Variants in SYNE1 observed in about 807,000 individuals in gnomAD.
SYNE1 encodes the protein nesprin-1.
SYNE1 carries 616 observed loss-of-function variants against 1,111.0 expected under a neutral mutation model. The observed-to-expected ratio is 0.55, with a 90% CI of 0.52 to 0.59. SYNE1 has a LOEUF of 0.59. Ranked by LOEUF, SYNE1 falls within the 20% of genes least tolerant of loss-of-function variation. The pLI is 0.00. For missense variants in SYNE1, 10,006 were observed against 10,417.0 expected (o/e 0.96, Z 1.72); for synonymous variants, 3,855 against 3,825.8 (o/e 1.01, Z -0.28).
At chr6:152,212,574 G>A (rs989827151) in intron 123 of SYNE1, among the ~76,000 whole-genome samples, 1 of 152,102 alleles carries the variant, frequency 6.6e-6, no homozygotes, top group African/African-American at 2.4e-5. Context: ...TATGACTAAT[G>A]CTCCTATAAA....
rs774225903 is a variant in SYNE1, at chr6:152,381,321, G to A, written c.8694C>T (p.Ser2898=). Residue 2898 remains serine, a synonymous_variant, in exon 56 of 146, where the codon AGC becomes AGT. Coordinates refer to ENST00000367255, the MANE Select transcript of SYNE1 (RefSeq NM_182961.4). ...CTTCGGGAGCCAGCGACTCCACTCT[G>A]CTGAGACGGCTTGCACCAATCTCTC... ...DSREIGASRL[S]RVESLAPEVK... 73 of 1,613,904 alleles carry A rather than the reference G, an allele frequency of 4.5e-5. 1 individual carries two copies. The South Asian group carries it at 6.7e-4, about 15-fold the overall frequency.
At chr6:152,273,957 G>A (rs901676087) in intron 98 of SYNE1, among the ~76,000 whole-genome samples, 1 of 152,166 alleles carries the variant, frequency 6.6e-6, no homozygotes, top group South Asian at 2.1e-4. Flanking sequence ...GTAGGGTGGG[G>A]CAAGGGAGTA....
chr6:152,304,894 T>C (rs1238129920), intron 91 of SYNE1, among the ~76,000 whole-genome samples: 1 of 152,238 alleles, frequency 6.6e-6, no homozygotes. Flanking sequence ...TTAGCCCATG[T>C]GACTCCAATG....
intron 78 of SYNE1, 21 bp downstream of exon 78, chr6:152,329,709 G>A: frequency 6.2e-7 from 1 of 1,614,168 alleles, no homozygotes; most frequent in Non-Finnish European, 8.5e-7. Context: ...AAAAAGAGAA[G>A]TGAAGTCCTA....
At chr6:152,308,350 A>T in intron 91 of SYNE1, 139 bp downstream of exon 91, 1 of 1,198,272 alleles carries the variant, frequency 8.3e-7, no homozygotes, top group Non-Finnish European at 1.2e-6. Flanking sequence ...ATGCTTAGAT[A>T]GCCAAAGAGG....
chr6:152,571,570 T>TA (rs1339321737), intron 3 of SYNE1, among the ~76,000 whole-genome samples: 1 of 151,522 alleles, frequency 6.6e-6, no homozygotes, highest in Non-Finnish European at 1.5e-5. Context: ...CTTTTTACCC[T>TA]AAAAAAAAGG....
intron 90 of SYNE1, among the ~76,000 whole-genome samples, chr6:152,308,853 T>C (rs769579904): frequency 6.6e-5 from 10 of 152,220 alleles, no homozygotes; most frequent in Non-Finnish European, 1.5e-4. Flanking sequence ...TCAAAATAGT[T>C]AAGTGGTTAG....
chr6:152,582,837 T>C (rs1437328388), intron 3 of SYNE1, among the ~76,000 whole-genome samples: 1 of 152,158 alleles, frequency 6.6e-6, no homozygotes. Context: ...ACATATATTG[T>C]GGCCTTTTCA....
In SYNE1 at chr6:152,358,479, A is replaced by G. The variant is rs1389585760; in HGVS notation, c.10502T>C (p.Leu3501Pro). Reference sequence around the variant, plus strand: ...CCCCAACCAAACTTCAAATGCCTTTAGGTCTCTCTGATACTCTTGGTGCAG... The same window carrying G: ...CCCCAACCAAACTTCAAATGCCTTTGGGTCTCTCTGATACTCTTGGTGCAG... ...VRLHQEYQRD[L>P]KAFEVWLGQE... The change falls in exon 66 of 146, where the codon CTA becomes CCA. Residue 3501 changes from leucine (L) to proline (P), a missense_variant. Transcript: ENST00000367255. 2 of 1,614,170 alleles carry G rather than the reference A, an allele frequency of 1.2e-6. No individual in the cohort carries two copies. Among genetic ancestry groups the G allele is most frequent in the Admixed American group, 1.7e-5 (1 of 60,026 alleles).
At position 152,206,265 on chromosome 6, in the gene SYNE1, G is replaced by T; in HGVS notation, c.22922C>A (p.Ala7641Asp). The T allele has an allele frequency of 6.2e-7, 1 of 1,613,892 alleles. No individual in the cohort carries two copies. Residue 7641 changes from alanine (A) to aspartate (D), a missense_variant, in exon 126 of 146, where the codon GCC (alanine) becomes GAC (aspartate). This residue lies in a region of SYNE1 where 2,182 missense variants were observed against 2,287.8 expected (regional missense o/e 0.95). Coordinates refer to ENST00000367255, the MANE Select transcript of SYNE1 (RefSeq NM_182961.4). ...LLLSADSGAE[A>D]ALQAELAEIQ... ...TTCAGCGAGTTCGGCCTGCAAGGCG[G>T]CCTCAGCGCCACTGTCCGCCGAGAG...
intron 3 of SYNE1, among the ~76,000 whole-genome samples, chr6:152,581,088 A>C (rs1478668732): frequency 6.6e-6 from 1 of 152,254 alleles, no homozygotes; most frequent in Non-Finnish European, 1.5e-5. Context: ...TGAACAATAC[A>C]TCTTCCAGAG....
chr6:152,433,918 G>A lies in SYNE1; in HGVS notation c.4338C>T (p.Thr1446=), dbSNP rs1057027248. The change falls in exon 34 of 146, where the codon ACC becomes ACT. Residue 1446 remains threonine (T), a synonymous_variant. Coordinates refer to ENST00000367255, the MANE Select transcript of SYNE1 (RefSeq NM_182961.4). Reference sequence around the variant, plus strand: ...AATTACTGCCAAAATGATCCCACTTGGTTTTCACCATTTCCATGGTTTTAA... The same window carrying A: ...AATTACTGCCAAAATGATCCCACTTAGTTTTCACCATTTCCATGGTTTTAA... ...EDIKTMEMVK[T]KWDHFGSNFE... 3.7e-6 allele frequency: 6 copies of A among 1,613,432 alleles called. No homozygotes were observed. In the East Asian group the frequency reaches 1.3e-4, roughly 36 times the overall value.
At chr6:152,143,945 A>C in intron 137 of SYNE1, 180 bp from the exon 138 acceptor site, 1 of 847,120 alleles carries the variant, frequency 1.2e-6, no homozygotes, top group Non-Finnish European at 1.9e-6. Context: ...AAAATGGCCA[A>C]ACCAATGAAG....
chr6:152,352,378 A>G, intron 69 of SYNE1, 25 bp from the exon 70 acceptor site: 1 of 1,608,904 alleles, frequency 6.2e-7, no homozygotes, highest in South Asian at 1.1e-5. Flanking sequence ...GAGTAGGAGC[A>G]AAGGTAGTCT....
chr6:152,391,557 T>C lies in SYNE1; in HGVS notation c.7724A>G (p.Asp2575Gly), dbSNP rs1382595953. 7.1e-7 allele frequency: 1 copy of C among 1,413,114 alleles called. No homozygotes were observed. The highest frequency in any genetic ancestry group is 9.6e-7 in the Non-Finnish European group (1 of 1,042,786). The allele number at this position is 1,413,114 out of a possible 1,614,324, so 87.5% of individuals were successfully genotyped here. A position where few individuals can be genotyped will look rare whatever the true frequency, so the allele number is the denominator to read the frequency against. The change falls in exon 52 of 146, where the codon GAT becomes GGT. Residue 2575 changes from aspartate to glycine, a missense_variant. By Grantham distance (94) the Asp-to-Gly change is moderately conservative. Coordinates refer to ENST00000367255, the MANE Select transcript of SYNE1 (RefSeq NM_182961.4). ...GELLAARESL[D>G]KLSQRGQLLS... is the part of the protein sequence containing the mutation. ...AAGCTGCCCTCTCTGGGAAAGCTTATCAAGAGACTCTCTGAAAAAAAGGAA... is the reference window on the plus strand; with the variant it reads ...AAGCTGCCCTCTCTGGGAAAGCTTACCAAGAGACTCTCTGAAAAAAAGGAA...
At chr6:152,394,867 C>A (rs1252960485) in intron 51 of SYNE1, among the ~76,000 whole-genome samples, 10 of 138,448 alleles carry the variant, frequency 7.2e-5, no homozygotes, top group Admixed American at 2.1e-4. Context: ...CTCACTGCAA[C>A]CTTTGCCTCC....
At chr6:152,213,214 T>G (rs2153430790) in intron 123 of SYNE1, among the ~76,000 whole-genome samples, 1 of 152,314 alleles carries the variant, frequency 6.6e-6, no homozygotes, top group South Asian at 2.1e-4. Context: ...ATCACAAAAT[T>G]TTTAAAGACT....
At position 152,416,870 on chromosome 6, in the gene SYNE1, G is replaced by C; in HGVS notation, c.5567C>G (p.Ala1856Gly). ...AEDCFQLFEE[A>G]SQVVERRQLA... is the part of the protein sequence containing the mutation. ...CTGCCGCCTCTCCACAACCTGGCTG[G>C]CCTCCTCAAACAGCTGGAAGCAGTC... Residue 1856 changes from alanine to glycine, a missense_variant, in exon 41 of 146, where the codon GCC (alanine) becomes GGC (glycine). This residue lies in a region of SYNE1 where 4,955 missense variants were observed against 5,017.2 expected (regional missense o/e 0.99). Coordinates refer to ENST00000367255, the MANE Select transcript of SYNE1 (RefSeq NM_182961.4). The C allele has an allele frequency of 6.2e-7, 1 of 1,613,942 alleles. No individual in the cohort carries two copies. Among genetic ancestry groups the C allele is most frequent in the Non-Finnish European group, 8.5e-7 (1 of 1,179,836 alleles).
chr6:152,292,471 T>A, intron 95 of SYNE1, among the ~76,000 whole-genome samples: 1 of 152,046 alleles, frequency 6.6e-6, no homozygotes, highest in East Asian at 1.9e-4. Context: ...GTCACAAGAG[T>A]GTAAAAAACC....
Sources: allele counts gnomAD v4.1 joint callset (sites outside exome capture counted in the v4.1 genomes callset), GRCh38; gene constraint gnomAD v4.1.1; regional missense constraint gnomAD v4.1.1; transcripts MANE v1.5; gene names NCBI Gene and HGNC (gene_info 2026-07-23, HGNC 2026-07-21).